Variants in RGS21 observed in about 807,000 individuals in gnomAD.
The protein encoded by RGS21 is regulator of G-protein signalling 21.
A neutral mutation model predicts 18.7 loss-of-function variants in RGS21; 19 were observed. The ratio of observed to expected loss-of-function variants is 1.01; its 90% CI spans 0.71 to 1.49. The LOEUF is 1.49. Ranked by LOEUF, RGS21 falls within the 40% of genes most tolerant of loss-of-function variation. The pLI is 0.00. For synonymous variants in RGS21, 56 were observed against 57.8 expected (o/e 0.97, Z 0.14); for missense variants, 194 against 176.8 (o/e 1.10, Z -0.55).
intron 4 of RGS21, among the ~76,000 whole-genome samples, chr1:192,354,335 G>A (rs1041526984): frequency 5.9e-5 from 9 of 151,472 alleles, no homozygotes; most frequent in East Asian, 1.9e-4. Context: ...TTAGATTTGC[G>A]GTGTGGTTCA....
At chr1:192,332,174 T>C (rs1485911470) in intron 1 of RGS21, among the ~76,000 whole-genome samples, 1 of 151,752 alleles carries the variant, frequency 6.6e-6, no homozygotes, top group African/African-American at 2.4e-5. Context: ...AACATAAAGC[T>C]CCATATTTAA....
At chr1:192,335,032 T>C (rs1011610235) in intron 1 of RGS21, among the ~76,000 whole-genome samples, 1 of 152,130 alleles carries the variant, frequency 6.6e-6, no homozygotes, top group Admixed American at 6.6e-5. Flanking sequence ...AGTATTAAGG[T>C]ATGATCCCGA....
At chr1:192,333,749 T>C (rs143607404) in intron 1 of RGS21, among the ~76,000 whole-genome samples, 48 of 152,126 alleles carry the variant, frequency 3.2e-4, no homozygotes, top group Middle Eastern at 6.8e-3. Context: ...GGAATAGTTC[T>C]GTGTCTTGAC....
chr1:192,323,631 G>C (rs1259692572), intron 1 of RGS21, among the ~76,000 whole-genome samples: 1 of 152,086 alleles, frequency 6.6e-6, no homozygotes, highest in Non-Finnish European at 1.5e-5. Flanking sequence ...AGAGGGCAAA[G>C]ATGATGAGCA....
In RGS21 at chr1:192,366,291, T is replaced by C. The variant is rs578138551; in HGVS notation, c.*167T>C. On this transcript the variant is annotated 3_prime_UTR_variant, in exon 5 of 5. Transcript: ENST00000417209. ...AGCCTGAATTTCTAACTCAGTTGTTTAGAATGTATTTGCTTTACCAGCTAT... is the reference window on the plus strand; with the variant it reads ...AGCCTGAATTTCTAACTCAGTTGTTCAGAATGTATTTGCTTTACCAGCTAT... 9.5e-5 allele frequency: 54 copies of C among 569,732 alleles called. No individual in the cohort carries two copies. The East Asian group carries it at 1.2e-3, about 13-fold the overall frequency. The allele number at this position is 569,732 out of a possible 1,614,324, so 35.3% of individuals were successfully genotyped here.
rs1249086407 is a variant in RGS21 at position 192,343,019 on chromosome 1, C to CA, written c.-17dup. ...AAGAGAAACTCGGCATCATCTGTGA[C>CA]AGACAGTGGAACGAAAAATGCCAGT... is the stretch of plus-strand genomic sequence containing the variant. On this transcript the variant is annotated 5_prime_UTR_variant, in exon 2 of 5. Transcript: ENST00000417209. 6.2e-7 allele frequency: 1 copy of CA among 1,612,338 alleles called. No homozygotes were observed. The highest frequency in any genetic ancestry group is 1.3e-5 in the African/African-American group (1 of 74,982).
intron 1 of RGS21, among the ~76,000 whole-genome samples, chr1:192,323,110 G>C (rs541134682): frequency 6.6e-6 from 1 of 152,150 alleles, no homozygotes; most frequent in South Asian, 2.1e-4. Context: ...TCATTGTATT[G>C]ACACAAAGGA....
chr1:192,323,851 A>C (rs1658529109), intron 1 of RGS21, among the ~76,000 whole-genome samples: 1 of 152,144 alleles, frequency 6.6e-6, no homozygotes, highest in South Asian at 2.1e-4. Context: ...GTTCCAAATC[A>C]TATAAATACA....
chr1:192,336,472 A>G (rs1381441907), intron 1 of RGS21, among the ~76,000 whole-genome samples: 1 of 152,138 alleles, frequency 6.6e-6, no homozygotes, highest in Non-Finnish European at 1.5e-5. Flanking sequence ...AATAAATAAA[A>G]TAAAATAAAA....
chr1:192,348,787 C>T (rs1267461614), intron 3 of RGS21, among the ~76,000 whole-genome samples: 2 of 151,634 alleles, frequency 1.3e-5, no homozygotes, highest in African/African-American at 4.8e-5. Context: ...TTGTATAAAT[C>T]AAATGGCATT....
chr1:192,329,432 C>T (rs577494767), intron 1 of RGS21, among the ~76,000 whole-genome samples: 5 of 152,098 alleles, frequency 3.3e-5, no homozygotes, highest in African/African-American at 1.2e-4. Flanking sequence ...TCTGATTTGA[C>T]TATTTCTGAT....
intron 4 of RGS21, among the ~76,000 whole-genome samples, chr1:192,355,045 A>G (rs10494671): frequency 0.32 from 48,146 of 151,312 alleles, 8,913 homozygotes; most frequent in African/African-American, 0.5. Context: ...CCTCTCCTTT[A>G]AAGTGTTACA....
intron 4 of RGS21, among the ~76,000 whole-genome samples, chr1:192,355,779 T>TC (rs1659103212): frequency 1.3e-5 from 2 of 151,178 alleles, no homozygotes; most frequent in Non-Finnish European, 3.0e-5. Flanking sequence ...AAAATAATAA[T>TC]ATTTTCATAT....
chr1:192,345,233 G>A (rs1358256759), intron 2 of RGS21, among the ~76,000 whole-genome samples: 1 of 152,060 alleles, frequency 6.6e-6, no homozygotes, highest in Non-Finnish European at 1.5e-5. Context: ...CTTCTAGAAT[G>A]GATGTCAGCT....
chr1:192,359,173 T>C (rs1020390499), intron 4 of RGS21, among the ~76,000 whole-genome samples: 1 of 152,088 alleles, frequency 6.6e-6, no homozygotes, highest in Non-Finnish European at 1.5e-5. Flanking sequence ...AATATTATGT[T>C]TCACAAACAT....
chr1:192,349,925 A>G (rs186490276), intron 3 of RGS21, among the ~76,000 whole-genome samples: 138 of 152,308 alleles, frequency 9.1e-4, no homozygotes, highest in African/African-American at 3.1e-3. Flanking sequence ...CCAGGCATGA[A>G]TCTACAATAT....
Position 192,345,374 on chromosome 1 carries a change from C to A in RGS21, c.12-1939C>A, listed in dbSNP as rs551618329. Among the ~76,000 whole-genome samples, 12 of 152,188 alleles carry A rather than the reference C, an allele frequency of 7.9e-5. No individual in the cohort carries two copies. The South Asian group carries it at 2.1e-3, about 26-fold the overall frequency. On this transcript the variant is annotated intron_variant, in intron 2 of 4. Transcript: ENST00000417209. The stretch of plus-strand genomic sequence containing the variant: ...CTTTGAAGCTAATACAATTTAGCTA[C>A]ACTTTTCAATACTTTTTATCACTGT...
intron 1 of RGS21, among the ~76,000 whole-genome samples, chr1:192,329,062 G>A (rs1372273984): frequency 6.6e-6 from 1 of 151,932 alleles, no homozygotes; most frequent in Non-Finnish European, 1.5e-5. Flanking sequence ...GACAATCAGG[G>A]AAGTTAATAT....
At chr1:192,323,582 TTGAC>T (rs539144363) in intron 1 of RGS21, among the ~76,000 whole-genome samples, 26 of 151,836 alleles carry the variant, frequency 1.7e-4, no homozygotes, top group African/African-American at 4.6e-4. Flanking sequence ...GATTGAAAAA[TTGAC>T]TGGGAAAAAA....
Sources: allele counts gnomAD v4.1 joint callset (sites outside exome capture counted in the v4.1 genomes callset), GRCh38; gene constraint gnomAD v4.1.1; transcripts MANE v1.5; gene names NCBI Gene and HGNC (gene_info 2026-07-23, HGNC 2026-07-21).